VPS13B: variants seen among roughly 807,000 people sequenced by gnomAD.
VPS13B encodes vacuolar protein sorting 13 homolog B, also known as intermembrane lipid transfer protein VPS13B.
A neutral mutation model predicts 426.4 loss-of-function variants in VPS13B; 285 were observed. The observed-to-expected ratio is 0.67, with a 90% CI of 0.61 to 0.74. VPS13B has a LOEUF of 0.74. Ranked by LOEUF, VPS13B falls within the 30% of genes least tolerant of loss-of-function variation. The probability of loss-of-function intolerance (pLI) is 0.00; values close to 1 mark genes in which losing one functional copy is unlikely to be tolerated. For missense variants in VPS13B, 4,537 were observed against 4,782.6 expected (o/e 0.95, Z 1.51); for synonymous variants, 1,676 against 1,676.4 (o/e 1.00, Z 0.01).
At position 99,835,548 on chromosome 8, in the gene VPS13B, A is replaced by C; in HGVS notation, c.9752A>C (p.Lys3251Thr). ...TTTTTTAAAATTTCAGATATTCCAA[A>C]GTTTGAGGTTTATTGCAAAAAAATT... ...LIKENIKDIP[K>T]FEVYCKKIPS... Residue 3251 changes from lysine (K) to threonine (T), a missense_variant, in exon 54 of 62, where the codon AAG becomes ACG. By Grantham distance (78) the Lys-to-Thr change is moderately conservative. Around this residue, in one of 2 missense-constraint regions of VPS13B, gnomAD observed 4,311 missense variants for 4,474.3 expected, o/e 0.96. Coordinates refer to ENST00000357162, the MANE Select transcript of VPS13B (RefSeq NM_152564.5). 1.9e-6 allele frequency: 3 copies of C among 1,614,072 alleles called. No homozygotes were observed. Among genetic ancestry groups the C allele is most frequent in the Non-Finnish European group, 2.5e-6 (3 of 1,179,978 alleles).
chr8:99,725,197 T>G (rs576749882), intron 39 of VPS13B, among the ~76,000 whole-genome samples: 8 of 152,358 alleles, frequency 5.3e-5, no homozygotes, highest in African/African-American at 1.9e-4. Context: ...CTTGAACTTA[T>G]GTGTCCCCAT....
intron 47 of VPS13B, 138 bp downstream of exon 47, chr8:99,819,026 T>C: frequency 1.1e-6 from 1 of 882,792 alleles, no homozygotes; most frequent in Non-Finnish European, 1.8e-6. Context: ...TGATTTCTTA[T>C]CTTATGAGAA....
chr8:99,811,757 CA>C (rs1045635219), intron 44 of VPS13B, among the ~76,000 whole-genome samples: 49 of 152,132 alleles, frequency 3.2e-4, no homozygotes, highest in African/African-American at 1.2e-3. Context: ...TTCAGAAAGT[CA>C]TTTAAACTCT....
intron 19 of VPS13B, among the ~76,000 whole-genome samples, chr8:99,281,243 C>T (rs1819154271): frequency 6.6e-6 from 1 of 152,224 alleles, no homozygotes; most frequent in South Asian, 2.1e-4. Flanking sequence ...TTCTTGCTTG[C>T]CTGCCCACTC....
intron 21 of VPS13B, among the ~76,000 whole-genome samples, chr8:99,416,567 C>A (rs1240948443): frequency 6.6e-6 from 1 of 152,206 alleles, no homozygotes; most frequent in African/African-American, 2.4e-5. Context: ...GAGGGAATCA[C>A]CAGGTCTGCG....
chr8:99,707,005 A>G (rs903215002), intron 36 of VPS13B, among the ~76,000 whole-genome samples: 1 of 152,124 alleles, frequency 6.6e-6, no homozygotes. Flanking sequence ...GTAACTGACA[A>G]CATCTTAGAT....
intron 22 of VPS13B, among the ~76,000 whole-genome samples, chr8:99,435,427 A>G (rs1817319261): frequency 6.6e-6 from 1 of 152,190 alleles, no homozygotes; most frequent in Non-Finnish European, 1.5e-5. Context: ...TTACATGATT[A>G]TTTGACAACT....
chr8:99,647,935 C>G (rs898659712), intron 34 of VPS13B, among the ~76,000 whole-genome samples: 1 of 152,144 alleles, frequency 6.6e-6, no homozygotes, highest in African/African-American at 2.4e-5. Flanking sequence ...TAATGAAGAG[C>G]CCAAAAGTGA....
intron 25 of VPS13B, among the ~76,000 whole-genome samples, chr8:99,492,511 G>A (rs752338572): frequency 1.1e-4 from 16 of 152,176 alleles, no homozygotes; most frequent in Non-Finnish European, 2.1e-4. Flanking sequence ...GCTGAGTTGC[G>A]GTGGGCTCTG....
At chr8:99,374,005 C>T (rs188217166) in intron 19 of VPS13B, among the ~76,000 whole-genome samples, 1 of 152,038 alleles carries the variant, frequency 6.6e-6, no homozygotes, top group Non-Finnish European at 1.5e-5. Flanking sequence ...CAAATTCTAT[C>T]ATTTTTATTT....
At chr8:99,029,803 G>T (rs1200877143) in intron 2 of VPS13B, among the ~76,000 whole-genome samples, 1 of 145,860 alleles carries the variant, frequency 6.9e-6, no homozygotes, top group Non-Finnish European at 1.5e-5. Context: ...GAGAGGGAGA[G>T]GGAGACGGAG....
chr8:99,611,643 A>C (rs2133875733), intron 33 of VPS13B, among the ~76,000 whole-genome samples: 1 of 152,130 alleles, frequency 6.6e-6, no homozygotes. Context: ...CTACCCTAAA[A>C]CAGCATTTTT....
At chr8:99,437,803 A>G (rs955511615) in intron 22 of VPS13B, among the ~76,000 whole-genome samples, 1 of 152,128 alleles carries the variant, frequency 6.6e-6, no homozygotes, top group Non-Finnish European at 1.5e-5. Flanking sequence ...GTTCTTTCCA[A>G]GTTTTCTATA....
intron 3 of VPS13B, among the ~76,000 whole-genome samples, chr8:99,068,721 G>A (rs866919357): frequency 8.5e-5 from 13 of 152,198 alleles, no homozygotes; most frequent in South Asian, 4.1e-4. Flanking sequence ...GGGGTGGGGG[G>A]AATGCCACAC....
At chr8:99,243,833 T>C (rs976895139) in intron 17 of VPS13B, among the ~76,000 whole-genome samples, 1 of 152,226 alleles carries the variant, frequency 6.6e-6, no homozygotes, top group African/African-American at 2.4e-5. Flanking sequence ...TCAATAACTA[T>C]AGCCAGTAAT....
chr8:99,659,842 A>C (rs1001071714), intron 34 of VPS13B, among the ~76,000 whole-genome samples: 2 of 152,164 alleles, frequency 1.3e-5, no homozygotes, highest in Non-Finnish European at 2.9e-5. Flanking sequence ...ATGAAGAGTT[A>C]TGTCTCCTTG....
intron 12 of VPS13B, among the ~76,000 whole-genome samples, chr8:99,138,946 A>G (rs530010401): frequency 6.6e-6 from 1 of 152,322 alleles, no homozygotes; most frequent in African/African-American, 2.4e-5. Flanking sequence ...TTTTTAAAAG[A>G]TAGAAACATG....
At chr8:99,700,899 T>A (rs745323418) in intron 36 of VPS13B, among the ~76,000 whole-genome samples, 1 of 152,142 alleles carries the variant, frequency 6.6e-6, no homozygotes, top group African/African-American at 2.4e-5. Flanking sequence ...TTTTCCCTCT[T>A]TAATTTGTGG....
intron 19 of VPS13B, among the ~76,000 whole-genome samples, chr8:99,339,435 A>C (rs1193719053): frequency 6.6e-6 from 1 of 151,982 alleles, no homozygotes; most frequent in Non-Finnish European, 1.5e-5. Flanking sequence ...AAATGACCAG[A>C]TCTCATGAGA....
Sources: gnomAD v4.1 joint callset for allele counts (sites outside exome capture counted in the v4.1 genomes callset) on GRCh38, gnomAD v4.1.1 for gene constraint, gnomAD v4.1.1 regional missense constraint, MANE v1.5 for transcripts, NCBI Gene and HGNC (gene_info 2026-07-23, HGNC 2026-07-21) for gene names.